The following ADGRL3 variants were observed in gnomAD, a reference collection of about 807,000 sequenced individuals.
The protein encoded by ADGRL3 is calcium-independent alpha-latrotoxin receptor 3.
ADGRL3 carries 62 observed loss-of-function variants against 153.5 expected under a neutral mutation model. The ratio of observed to expected loss-of-function variants is 0.40; its 90% CI spans 0.33 to 0.50. ADGRL3 has a LOEUF of 0.50. Among genes scored for constraint, ADGRL3 ranks in the 20% least tolerant of loss-of-function variants. The pLI is 0.47. For missense variants in ADGRL3, 1,641 were observed against 1,859.4 expected, an observed-to-expected ratio of 0.88 and a Z score of 2.16; for synonymous variants, 710 against 672.5, an observed-to-expected ratio of 1.06 and a Z score of -0.86.
chr4:61,876,624 G>A (rs1301389187), intron 9 of ADGRL3, among the ~76,000 whole-genome samples: 2 of 151,848 alleles, frequency 1.3e-5, no homozygotes, highest in African/African-American at 2.4e-5. Context: ...AAACGGAGTT[G>A]GGCCTGGGAG....
At chr4:61,583,793 T>C (rs767692527) in intron 4 of ADGRL3, 7 of 513,852 alleles carry the variant, frequency 1.4e-5, no homozygotes, top group Non-Finnish European at 1.9e-5. Context: ...ACACACCTAA[T>C]AGATGACACT....
chr4:61,364,151 GA>G (rs1578442645), intron 1 of ADGRL3, among the ~76,000 whole-genome samples: 2 of 151,500 alleles, frequency 1.3e-5, no homozygotes, highest in African/African-American at 4.8e-5. Flanking sequence ...CCAACATGTT[GA>G]AACCCCGTCT....
At chr4:61,985,085 A>G (rs2150896756) in intron 19 of ADGRL3, among the ~76,000 whole-genome samples, 1 of 152,166 alleles carries the variant, frequency 6.6e-6, no homozygotes, top group South Asian at 2.1e-4. Flanking sequence ...CAAGATTGGA[A>G]AATCTTGATT....
intron 2 of ADGRL3, among the ~76,000 whole-genome samples, chr4:61,390,509 G>T (rs879784355): frequency 6.6e-6 from 1 of 152,110 alleles, no homozygotes; most frequent in Non-Finnish European, 1.5e-5. Flanking sequence ...TTGACATTTT[G>T]TTTTCTTGCA....
chr4:61,449,500 C>T (rs2097648670), intron 2 of ADGRL3, among the ~76,000 whole-genome samples: 1 of 151,868 alleles, frequency 6.6e-6, no homozygotes, highest in African/African-American at 2.4e-5. Context: ...CAAGACTGTA[C>T]CTAGGCAGGT....
chr4:61,588,399 A>C (rs1232624813), intron 5 of ADGRL3, among the ~76,000 whole-genome samples: 1 of 151,958 alleles, frequency 6.6e-6, no homozygotes, highest in Non-Finnish European at 1.5e-5. Flanking sequence ...TTCATATTCA[A>C]AATTTTGATA....
At chr4:61,904,402 G>A (rs1330850896) in intron 11 of ADGRL3, among the ~76,000 whole-genome samples, 1 of 152,162 alleles carries the variant, frequency 6.6e-6, no homozygotes, top group East Asian at 1.9e-4. Context: ...GCCCACTTCA[G>A]GCTCCCAAAG....
At chr4:61,409,733 A>G (rs144274251) in intron 2 of ADGRL3, among the ~76,000 whole-genome samples, 122 of 152,114 alleles carry the variant, frequency 8.0e-4, no homozygotes, top group Non-Finnish European at 1.4e-3. Context: ...ATAAAATGTC[A>G]TGATTTTTAT....
chr4:61,879,521 G>A (rs2098496928), intron 9 of ADGRL3, among the ~76,000 whole-genome samples: 1 of 152,110 alleles, frequency 6.6e-6, no homozygotes, highest in African/African-American at 2.4e-5. Context: ...ATCACATGTG[G>A]TCAGGTGTGG....
chr4:61,484,960 T>C (rs1441223703), intron 2 of ADGRL3, among the ~76,000 whole-genome samples: 1 of 152,210 alleles, frequency 6.6e-6, no homozygotes, highest in African/African-American at 2.4e-5. Context: ...ACTTACCATG[T>C]TAGCTATTGA....
intron 17 of ADGRL3, among the ~76,000 whole-genome samples, chr4:61,972,302 A>T (rs2099031177): frequency 6.6e-6 from 1 of 152,176 alleles, no homozygotes; most frequent in Non-Finnish European, 1.5e-5. Context: ...TCTAAAGTTT[A>T]AGTCTTTAAT....
At chr4:61,741,380 TAGTC>T (rs1347120192) in intron 8 of ADGRL3, among the ~76,000 whole-genome samples, 9 of 152,190 alleles carry the variant, frequency 5.9e-5, no homozygotes, top group African/African-American at 2.2e-4. Flanking sequence ...AAGGAAAAAA[TAGTC>T]AGCAACTTGT....
chr4:61,588,055 AAGAGACTGGTC>A (rs1209560943), intron 5 of ADGRL3, among the ~76,000 whole-genome samples: 1 of 151,788 alleles, frequency 6.6e-6, no homozygotes, highest in East Asian at 1.9e-4. Flanking sequence ...TTTGATTCTA[AAGAGACTGGTC>A]AGTAGGAATG....
chr4:61,894,542 T>C (rs1351980956), intron 10 of ADGRL3, among the ~76,000 whole-genome samples: 4 of 152,160 alleles, frequency 2.6e-5, no homozygotes, highest in African/African-American at 9.7e-5. Context: ...AAAATAATAA[T>C]AGCCCCTTAC....
intron 8 of ADGRL3, among the ~76,000 whole-genome samples, chr4:61,756,920 G>A (rs184324344): frequency 8.2e-4 from 125 of 152,226 alleles, no homozygotes; most frequent in African/African-American, 2.8e-3. Flanking sequence ...GCTGGATTAC[G>A]TTTATTGATT....
chr4:61,406,512 A>G (rs912662919), intron 2 of ADGRL3, among the ~76,000 whole-genome samples: 2 of 151,704 alleles, frequency 1.3e-5, no homozygotes, highest in African/African-American at 4.8e-5. Flanking sequence ...TTGGTGTCTA[A>G]TGTTGTTTTT....
rs1378957927 is a variant in ADGRL3, at chr4:62,052,719, G to A, written c.3814+8170G>A. The stretch of plus-strand genomic sequence containing the variant: ...TACGAGGATGAATATTTTGGTGAGG[G>A]CAAAGATTATGTTAGAAAAACAGGT... On this transcript the variant is annotated intron_variant, in intron 25 of 26. Coordinates refer to ENST00000683033, the MANE Select transcript of ADGRL3 (RefSeq NM_001387552.1). Among the ~76,000 whole-genome samples the A allele has an allele frequency of 4.0e-5, 6 of 150,850 alleles. No individual in the cohort carries two copies. In the South Asian group the frequency reaches 1.0e-3, roughly 26 times the overall value.
chr4:61,209,021 G>T (rs1577857618), intron 1 of ADGRL3, among the ~76,000 whole-genome samples: 1 of 152,076 alleles, frequency 6.6e-6, no homozygotes, highest in Non-Finnish European at 1.5e-5. Context: ...TTTTAAATGA[G>T]ACTTTGGCAA....
At chr4:61,853,132 C>A (rs2098226907) in intron 9 of ADGRL3, among the ~76,000 whole-genome samples, 1 of 151,922 alleles carries the variant, frequency 6.6e-6, no homozygotes, top group African/African-American at 2.4e-5. Flanking sequence ...GAGCCACTGC[C>A]CCTGGCTGAA....
Sources: allele counts gnomAD v4.1 joint callset (sites outside exome capture counted in the v4.1 genomes callset), GRCh38; gene constraint gnomAD v4.1.1; transcripts MANE v1.5; gene names NCBI Gene and HGNC (gene_info 2026-07-23, HGNC 2026-07-21).